Variants in MAOB observed in about 807,000 individuals in gnomAD.
MAOB encodes the protein amine oxidase [flavin-containing] B.
A neutral mutation model predicts 41.9 loss-of-function variants in MAOB; 15 were observed. The observed-to-expected ratio is 0.36, with a 90% CI of 0.24 to 0.55. The LOEUF (loss-of-function observed/expected upper bound fraction) is 0.55. Ranked by LOEUF, MAOB falls within the 20% of genes least tolerant of loss-of-function variation. The probability of loss-of-function intolerance (pLI) is 0.86; values close to 1 mark genes in which losing one functional copy is unlikely to be tolerated. For missense variants in MAOB, 345 were observed against 398.7 expected (o/e 0.87, Z 1.15); for synonymous variants, 167 against 144.2 (o/e 1.16, Z -1.13).
chrX:43,860,669 A>G (rs1408804471), intron 1 of MAOB, among the ~76,000 whole-genome samples: 1 of 111,181 alleles, frequency 9.0e-6, no homozygotes, highest in African/African-American at 3.3e-5. Context: ...ACAAAATCCA[A>G]CTCATTACAC....
At chrX:43,821,394 T>A (rs780539053) in intron 3 of MAOB, among the ~76,000 whole-genome samples, 11 of 111,831 alleles carry the variant, frequency 9.8e-5, no homozygotes, top group African/African-American at 3.6e-4. Flanking sequence ...GATCAGCTAA[T>A]CCAAAACAAC....
intron 1 of MAOB, among the ~76,000 whole-genome samples, chrX:43,850,704 A>G (rs1017873849): frequency 1.8e-5 from 2 of 112,345 alleles, no homozygotes; most frequent in Non-Finnish European, 3.8e-5. Flanking sequence ...TTCCTCTAAG[A>G]CAATCAAAAT....
chrX:43,880,636 G>A (rs1360680289), intron 1 of MAOB, among the ~76,000 whole-genome samples: 1 of 112,474 alleles, frequency 8.9e-6, no homozygotes, highest in Admixed American at 9.4e-5. Flanking sequence ...GTTTTGATCA[G>A]AGTTCGGGAG....
At chrX:43,784,604 G>A (rs894572016) in intron 8 of MAOB, among the ~76,000 whole-genome samples, 3 of 112,220 alleles carry the variant, frequency 2.7e-5, no homozygotes, top group Admixed American at 9.4e-5. Flanking sequence ...TTCAGACTTT[G>A]TTGCTGTTTG....
At chrX:43,800,888 T>C (rs3027456) in intron 5 of MAOB, among the ~76,000 whole-genome samples, 34,153 of 110,354 alleles carry the variant, frequency 0.31, 4,272 homozygotes, top group African/African-American at 0.44. Flanking sequence ...CATACCACAA[T>C]AGCCTGCTTT....
chrX:43,835,067 T>C (rs1046464887), intron 3 of MAOB, among the ~76,000 whole-genome samples: 4 of 112,172 alleles, frequency 3.6e-5, no homozygotes, highest in African/African-American at 1.3e-4. Flanking sequence ...TTTGCCTACA[T>C]TGTACCAAAC....
intron 9 of MAOB, among the ~76,000 whole-genome samples, chrX:43,780,819 T>C (rs1388568960): frequency 1.8e-5 from 2 of 111,964 alleles, no homozygotes; most frequent in Non-Finnish European, 3.8e-5. Context: ...CTAGATTCCA[T>C]CTCCATTTCT....
chrX:43,858,638 T>G (rs2035313454), intron 1 of MAOB, among the ~76,000 whole-genome samples: 1 of 110,678 alleles, frequency 9.0e-6, no homozygotes, highest in Non-Finnish European at 1.9e-5. Flanking sequence ...TCCACAGCAG[T>G]AAATACTTTA....
chrX:43,808,680 ATATC>A (rs1217543863), intron 3 of MAOB, among the ~76,000 whole-genome samples: 23 of 100,771 alleles, frequency 2.3e-4, no homozygotes, highest in Non-Finnish European at 4.4e-4. Flanking sequence ...ATCTATATCT[ATATC>A]TATATCTACA....
chrX:43,830,330 G>A (rs1336015711), intron 3 of MAOB, among the ~76,000 whole-genome samples: 1 of 111,488 alleles, frequency 9.0e-6, no homozygotes, highest in Non-Finnish European at 1.9e-5. Flanking sequence ...CTCTACAAGA[G>A]TGCCAGCATG....
At position 43,801,856 on chromosome X, in the gene MAOB, A is replaced by G. The variant is rs184366753; in HGVS notation, c.476+316T>C. Among the ~76,000 whole-genome samples, 76 of 112,968 alleles carry G rather than the reference A, an allele frequency of 6.7e-4. 2 individuals are homozygous for G. The Admixed American group carries it at 7.0e-3, about 10-fold the overall frequency. On this transcript the variant is annotated intron_variant, in intron 5 of 14. Transcript: ENST00000378069. Reference sequence around the variant, plus strand: ...AGAATACAAAAATTGTCCTATATCAACAACTTAATAAATGAGAGCTTTAAG... The same window carrying G: ...AGAATACAAAAATTGTCCTATATCAGCAACTTAATAAATGAGAGCTTTAAG...
intron 1 of MAOB, among the ~76,000 whole-genome samples, chrX:43,867,894 C>T (rs2035376095): frequency 8.9e-6 from 1 of 111,991 alleles, no homozygotes; most frequent in South Asian, 3.7e-4. Context: ...AAAAATGATG[C>T]TAAAATTTAT....
At chrX:43,859,283 A>C (rs981430049) in intron 1 of MAOB, among the ~76,000 whole-genome samples, 4 of 111,634 alleles carry the variant, frequency 3.6e-5, no homozygotes, top group African/African-American at 1.3e-4. Context: ...AACCTGGAGC[A>C]ATCTGAGCAG....
chrX:43,803,751 A>T (rs2034627746), intron 3 of MAOB, among the ~76,000 whole-genome samples: 1 of 112,003 alleles, frequency 8.9e-6, no homozygotes. Flanking sequence ...TCTCAGAGTC[A>T]GGAGCCTCTG....
At position 43,803,396 on chromosome X, in the gene MAOB, T is replaced by C. The variant is rs1172396196; in HGVS notation, c.288A>G (p.Ser96=). 3 of 1,170,703 alleles carry C rather than the reference T, an allele frequency of 2.6e-6. No individual in the cohort carries two copies. The African/African-American group carries it at 5.5e-5, about 21-fold the overall frequency. ...GTGGGAATGGCCCCCTGAAGGGGTA[T>C]GATTTGCCCTGTGAGATACAAGATA... ...ERLIHHVKGK[S]YPFRGPFPPV... is the part of the protein sequence containing the mutation. The change falls in exon 4 of 15, where the codon TCA becomes TCG. Residue 96 remains serine, a synonymous_variant. Transcript: ENST00000378069.
intron 11 of MAOB, among the ~76,000 whole-genome samples, chrX:43,776,554 C>T (rs774845647): frequency 9.4e-6 from 1 of 106,938 alleles, no homozygotes; most frequent in East Asian, 3.0e-4. Flanking sequence ...TCTTGAATGG[C>T]TTTTTTTTTT....
intron 12 of MAOB, among the ~76,000 whole-genome samples, chrX:43,771,123 T>G (rs1420490773): frequency 9.0e-6 from 1 of 111,694 alleles, no homozygotes; most frequent in Non-Finnish European, 1.9e-5. Context: ...GAGAAGAAAA[T>G]ACAAGGAGAG....
At chrX:43,845,073 A>G (rs2035185096) in intron 1 of MAOB, among the ~76,000 whole-genome samples, 1 of 112,357 alleles carries the variant, frequency 8.9e-6, no homozygotes, top group Non-Finnish European at 1.9e-5. Context: ...GAGTACATGT[A>G]TAAAGTTTGG....
intron 11 of MAOB, among the ~76,000 whole-genome samples, chrX:43,776,573 T>A (rs1222362057): frequency 9.0e-6 from 1 of 110,538 alleles, no homozygotes; most frequent in Non-Finnish European, 1.9e-5. Flanking sequence ...TTAAATCAAC[T>A]CCACACTCTT....
Sources: allele counts gnomAD v4.1 joint callset (sites outside exome capture counted in the v4.1 genomes callset), GRCh38; gene constraint gnomAD v4.1.1; transcripts MANE v1.5; gene names NCBI Gene and HGNC (gene_info 2026-07-23, HGNC 2026-07-21).